The following PARD3B variants were observed in gnomAD, a reference collection of about 807,000 sequenced individuals.
PARD3B encodes par-3 family cell polarity regulator beta.
Under a neutral mutation model 130.2 loss-of-function variants are expected in PARD3B, and 103 were observed. The observed-to-expected ratio is 0.79, with a 90% CI of 0.67 to 0.93. PARD3B has a LOEUF of 0.93. Ranked by LOEUF, PARD3B falls within the 40% of genes least tolerant of loss-of-function variation. The pLI is 0.00. For missense variants in PARD3B, 1,609 were observed against 1,499.2 expected (o/e 1.07, Z -1.21); for synonymous variants, 583 against 553.2 (o/e 1.05, Z -0.76).
rs1234202525 is a variant in PARD3B, at chr2:204,678,532, C to T, written c.121-7649C>T. ...AAAAGGAGCTAGAGCGGGGATGGTG[C>T]GGGAAGAAAGTAGTCTTTCCTTGAA... is the stretch of plus-strand genomic sequence containing the variant. On this transcript the variant is annotated intron_variant, in intron 1 of 22. Transcript: ENST00000406610. The surrounding 1 kb of genome is among the most constrained non-coding windows in gnomAD (Gnocchi z 4.2). Among the ~76,000 whole-genome samples the T allele has an allele frequency of 1.3e-5, 2 of 152,198 alleles. No individual in the cohort carries two copies. The highest frequency in any genetic ancestry group is 1.9e-4 in the East Asian group (1 of 5,170).
At chr2:205,542,097 C>G (rs1223562390) in intron 21 of PARD3B, among the ~76,000 whole-genome samples, 1 of 128,468 alleles carries the variant, frequency 7.8e-6, no homozygotes, top group Non-Finnish European at 1.6e-5. Flanking sequence ...AAGCTGAGAT[C>G]ACGCCACTGC....
At position 205,117,918 on chromosome 2, in the gene PARD3B, C is replaced by CACACACACACACACACACACACAT. The variant is rs1553617421; in HGVS notation, c.681-984_681-983insCACATACACACACACACACACACA. ...ACAGAATTGTGTATGTATGTGTGTA[C>CACACACACACACACACACACACAT]ACACACACACACACACACATACACA... On this transcript the variant is annotated intron_variant, in intron 6 of 22. Transcript: ENST00000406610. 4.7e-3 allele frequency among the ~76,000 whole-genome samples: 705 copies of CACACACACACACACACACACACAT among 150,974 alleles called. 6 individuals are homozygous for CACACACACACACACACACACACAT. The highest frequency in any genetic ancestry group is 0.016 in the African/African-American group (667 of 41,166).
At chr2:205,595,678 TAC>T (rs1675793335) in intron 22 of PARD3B, among the ~76,000 whole-genome samples, 1 of 152,192 alleles carries the variant, frequency 6.6e-6, no homozygotes, top group Non-Finnish European at 1.5e-5. Flanking sequence ...AGGGTGAACT[TAC>T]AGTTTTCTTT....
At chr2:204,913,885 G>GT (rs1345323137) in intron 2 of PARD3B, among the ~76,000 whole-genome samples, 9 of 152,226 alleles carry the variant, frequency 5.9e-5, no homozygotes, top group African/African-American at 2.2e-4. Flanking sequence ...ACTGTTAGGT[G>GT]TTTTGTTTGG....
At position 205,158,893 on chromosome 2, in the gene PARD3B, G is replaced by A; in HGVS notation, c.1606G>A (p.Gly536Ser). ...GIFIKSIIHGGAAFKDGRLRM... is the reference protein window; with the variant it reads ...GIFIKSIIHGSAAFKDGRLRM... The stretch of plus-strand genomic sequence containing the variant: ...TTTTATCAAATCCATCATTCATGGA[G>A]GCGCTGCTTTTAAGGTGGGTAGGAA... Residue 536 changes from glycine (G) to serine (S), a missense_variant, in exon 11 of 23, where the codon GGC becomes AGC. Transcript: ENST00000406610. The surrounding 1 kb of genome is among the most constrained non-coding windows in gnomAD (Gnocchi z 5.4). 1 of 1,613,866 alleles carries A rather than the reference G, an allele frequency of 6.2e-7. No homozygotes were observed. The highest frequency in any genetic ancestry group is 8.5e-7 in the Non-Finnish European group (1 of 1,180,010).
chr2:204,686,636 C>T (rs1029733383), intron 2 of PARD3B, among the ~76,000 whole-genome samples: 3 of 152,020 alleles, frequency 2.0e-5, no homozygotes, highest in South Asian at 2.1e-4. Flanking sequence ...ATGCCTGAGG[C>T]GTGAATGTGT....
chr2:204,813,797 C>T (rs191149763), intron 2 of PARD3B, among the ~76,000 whole-genome samples: 2 of 152,112 alleles, frequency 1.3e-5, no homozygotes, highest in Non-Finnish European at 2.9e-5. Flanking sequence ...GCCATTTGCA[C>T]CTTGCTTGAA....
intron 2 of PARD3B, among the ~76,000 whole-genome samples, chr2:204,932,228 G>A (rs527944203): frequency 1.3e-5 from 2 of 152,196 alleles, no homozygotes; most frequent in Non-Finnish European, 2.9e-5. Flanking sequence ...ATGGCTCAAA[G>A]TATTGTTGAA....
chr2:205,617,987 T>C lies in PARD3B; in HGVS notation c.*2174T>C, dbSNP rs2055488683. On this transcript the variant is annotated 3_prime_UTR_variant, in exon 23 of 23. Coordinates refer to ENST00000406610, the MANE Select transcript of PARD3B (RefSeq NM_001302769.2). ...GATGGTGTCAGGTGAGAATCCTGTG[T>C]CTTGAAGGAGTGGCCTTTACAGGAA... 6.6e-6 allele frequency: 1 copy of C among 152,250 alleles called. No homozygotes were observed. The highest frequency in any genetic ancestry group is 2.1e-4 in the South Asian group (1 of 4,820). The allele number at this position is 152,250 out of a possible 1,614,324, so 9.4% of individuals were successfully genotyped here.
At chr2:204,746,915 C>A (rs1312082791) in intron 2 of PARD3B, among the ~76,000 whole-genome samples, 1 of 152,130 alleles carries the variant, frequency 6.6e-6, no homozygotes. Flanking sequence ...AGTTTTCTCT[C>A]ATTCTGTAGG....
chr2:205,282,998 C>T (rs1020314752), intron 16 of PARD3B, among the ~76,000 whole-genome samples: 14 of 152,148 alleles, frequency 9.2e-5, no homozygotes, highest in African/African-American at 3.4e-4. Flanking sequence ...GGCAGGTGAG[C>T]TATGATTGAT....
chr2:205,023,452 CTTTT>C (rs11319827), intron 3 of PARD3B, among the ~76,000 whole-genome samples: 10 of 88,720 alleles, frequency 1.1e-4, no homozygotes, highest in Admixed American at 1.3e-4. Context: ...ATGCCCACAC[CTTTT>C]TTTTTTTTTT....
At chr2:205,326,079 C>T (rs768741954) in intron 18 of PARD3B, among the ~76,000 whole-genome samples, 10 of 152,068 alleles carry the variant, frequency 6.6e-5, no homozygotes, top group Non-Finnish European at 1.0e-4. Flanking sequence ...ACGGATTTGG[C>T]GCATGTAGTT....
chr2:205,113,388 G>A (rs1559450712), intron 5 of PARD3B, 103 bp from the exon 6 acceptor site: 1 of 603,698 alleles, frequency 1.7e-6, no homozygotes, highest in Admixed American at 3.7e-5. Context: ...ATAATCCTGA[G>A]CAGGGGTGTG....
At chr2:204,938,246 C>T (rs1311680662) in intron 2 of PARD3B, among the ~76,000 whole-genome samples, 3 of 152,348 alleles carry the variant, frequency 2.0e-5, no homozygotes, top group African/African-American at 4.8e-5. Context: ...AATCCACAGT[C>T]CTTCCTCTAC....
chr2:205,386,105 T>C (rs1202530613), intron 18 of PARD3B, among the ~76,000 whole-genome samples: 2 of 152,214 alleles, frequency 1.3e-5, no homozygotes, highest in Non-Finnish European at 2.9e-5. Flanking sequence ...TTCTGCGATA[T>C]TACAAAGTCT....
chr2:205,046,244 C>A (rs1291842805), intron 3 of PARD3B, among the ~76,000 whole-genome samples: 1 of 151,444 alleles, frequency 6.6e-6, no homozygotes. Context: ...CTTGCTTCTA[C>A]TCTTCTTGTT....
intron 2 of PARD3B, among the ~76,000 whole-genome samples, chr2:204,806,425 G>C (rs1193002329): frequency 6.6e-6 from 1 of 152,098 alleles, no homozygotes; most frequent in Non-Finnish European, 1.5e-5. Context: ...TGAGAAAACT[G>C]GATATTTATA....
At chr2:205,079,671 G>C (rs1234560165) in intron 4 of PARD3B, among the ~76,000 whole-genome samples, 1 of 151,972 alleles carries the variant, frequency 6.6e-6, no homozygotes, top group Non-Finnish European at 1.5e-5. Context: ...GGAGATTATA[G>C]CACCTCCTGA....
Sources: gnomAD v4.1 joint callset for allele counts (sites outside exome capture counted in the v4.1 genomes callset) on GRCh38, gnomAD v4.1.1 for gene constraint, Gnocchi (gnomAD v3.1) non-coding constraint, MANE v1.5 for transcripts, NCBI Gene and HGNC (gene_info 2026-07-23, HGNC 2026-07-21) for gene names.